The following ASIC2 variants were observed in gnomAD, a reference collection of about 807,000 sequenced individuals.
The protein encoded by ASIC2 is acid-sensing ion channel 2.
In ASIC2, 25 loss-of-function variants were observed where a neutral mutation model predicts 57.3. The observed-to-expected ratio is 0.44, with a 90% CI of 0.32 to 0.61. The LOEUF is 0.61. Ranked by LOEUF, ASIC2 falls within the 20% of genes least tolerant of loss-of-function variation. The pLI is 0.06. For synonymous variants in ASIC2, 319 were observed against 307.5 expected, an observed-to-expected ratio of 1.04 and a Z score of -0.39; for missense variants, 641 against 738.1, an observed-to-expected ratio of 0.87 and a Z score of 1.52.
At chr17:33,496,260 T>C (rs1382670215) in intron 1 of ASIC2, among the ~76,000 whole-genome samples, 1 of 152,186 alleles carries the variant, frequency 6.6e-6, no homozygotes, top group Admixed American at 6.5e-5. Flanking sequence ...AAAAGTCTGC[T>C]GAGTCAATTT....
chr17:33,508,094 C>T (rs1474019261), intron 1 of ASIC2, among the ~76,000 whole-genome samples: 1 of 152,030 alleles, frequency 6.6e-6, no homozygotes, highest in East Asian at 1.9e-4. Context: ...CCTCTCCTCC[C>T]TTTTCCATCT....
In ASIC2 at chr17:33,683,793, A is replaced by T. The variant is rs145520209; in HGVS notation, c.555+472185T>A. 2.2e-3 allele frequency among the ~76,000 whole-genome samples: 334 copies of T among 152,190 alleles called. 7 individuals are homozygous for T. Among genetic ancestry groups the T allele is most frequent in the Non-Finnish European group, 4.6e-4 (31 of 67,996 alleles). ...CCTGGGCTCAAGCAATCCTCCCACA[A>T]TGAGATTACCACTGTGCCCCGTCTC... On this transcript the variant is annotated intron_variant, in intron 1 of 9. Transcript: ENST00000359872.
chr17:33,717,808 A>T (rs1909267972), intron 1 of ASIC2, among the ~76,000 whole-genome samples: 1 of 152,174 alleles, frequency 6.6e-6, no homozygotes, highest in Non-Finnish European at 1.5e-5. Context: ...CCTCGAAGGG[A>T]TGGCGTGAGA....
intron 1 of ASIC2, among the ~76,000 whole-genome samples, chr17:33,742,209 T>A (rs1388163): frequency 0.25 from 37,522 of 152,090 alleles, 5,254 homozygotes; most frequent in East Asian, 0.67. Flanking sequence ...ATAGACTGAT[T>A]GCTGCCCACG....
At chr17:34,110,409 C>CGAG (rs1348884502) in intron 1 of ASIC2, among the ~76,000 whole-genome samples, 4 of 152,186 alleles carry the variant, frequency 2.6e-5, no homozygotes, top group Admixed American at 1.3e-4. Context: ...AGCTCTTCCT[C>CGAG]GCCCTCTCTC....
Position 34,099,181 on chromosome 17 carries a change from A to G in ASIC2, c.555+56797T>C, listed in dbSNP as rs1487294284. 3.9e-4 allele frequency among the ~76,000 whole-genome samples: 11 copies of G among 28,556 alleles called. 1 individual carries two copies. Among genetic ancestry groups the G allele is most frequent in the African/African-American group, 8.2e-4 (10 of 12,228 alleles). 18.7% of individuals were successfully genotyped at this position (28,556 alleles called of 152,430 possible). A position where few individuals can be genotyped will look rare whatever the true frequency, so the allele number is the denominator to read the frequency against. ...GAGAGAGAGAAAGAAAGAAAGAAAGAAAGAAAGAAAGAAAGAAAGAAAGAA... is the reference window on the plus strand; with the variant it reads ...GAGAGAGAGAAAGAAAGAAAGAAAGGAAGAAAGAAAGAAAGAAAGAAAGAA... On this transcript the variant is annotated intron_variant, in intron 1 of 9. Transcript: ENST00000359872.
At chr17:34,142,605 T>A (rs1310585622) in intron 1 of ASIC2, among the ~76,000 whole-genome samples, 1 of 152,176 alleles carries the variant, frequency 6.6e-6, no homozygotes, top group Non-Finnish European at 1.5e-5. Flanking sequence ...ATAAATAGTC[T>A]CTCTCCAGAG....
At chr17:33,730,233 CTCT>C (rs1420075867) in intron 1 of ASIC2, among the ~76,000 whole-genome samples, 1 of 152,090 alleles carries the variant, frequency 6.6e-6, no homozygotes, top group Non-Finnish European at 1.5e-5. Flanking sequence ...GAAACTGAGT[CTCT>C]TCTTTTAATT....
intron 1 of ASIC2, among the ~76,000 whole-genome samples, chr17:33,493,015 G>A (rs1056610530): frequency 1.3e-5 from 2 of 152,216 alleles, no homozygotes. Flanking sequence ...AGTCAGTCAA[G>A]TTTTCCAAAT....
chr17:33,376,871 A>G (rs909044382), intron 1 of ASIC2, among the ~76,000 whole-genome samples: 3 of 152,164 alleles, frequency 2.0e-5, no homozygotes, highest in Non-Finnish European at 4.4e-5. Context: ...GCACTCTTCT[A>G]CATATTCTAT....
chr17:33,595,582 A>G lies in ASIC2; in HGVS notation c.556-483515T>C, dbSNP rs116833263. ...CTTGTCACATCTCCCAGGAAGTTCTATTGTGTCACAGAGATGAGCATAGGC... is the reference window on the plus strand; with the variant it reads ...CTTGTCACATCTCCCAGGAAGTTCTGTTGTGTCACAGAGATGAGCATAGGC... On this transcript the variant is annotated intron_variant, in intron 1 of 9. Transcript: ENST00000359872. Among the ~76,000 whole-genome samples the G allele has an allele frequency of 4.7e-3, 718 of 152,278 alleles. 5 individuals carry two copies. The highest frequency in any genetic ancestry group is 0.016 in the African/African-American group (646 of 41,562).
chr17:34,040,869 A>ATC (rs1447930280), intron 1 of ASIC2, among the ~76,000 whole-genome samples: 2 of 152,244 alleles, frequency 1.3e-5, no homozygotes, highest in Non-Finnish European at 2.9e-5. Flanking sequence ...TTAACTAGTC[A>ATC]TCATGCAATT....
At position 33,291,525 on chromosome 17, in the gene ASIC2, C is replaced by G; in HGVS notation, c.591G>C (p.Pro197=). ...CGGCGCTGATTCCCTCGAAGTGGCG[C>G]GGAGGCAGGAAGAGGCGGAAGTCCG... ...KLADFRLFLP[P]RHFEGISAAF... Residue 197 remains proline (P), a synonymous_variant, in exon 1 of 10, where the codon CCG becomes CCC. Transcript: ENST00000225823. 3.1e-6 allele frequency: 5 copies of G among 1,612,608 alleles called. No individual in the cohort carries two copies. Among genetic ancestry groups the G allele is most frequent in the Non-Finnish European group, 3.4e-6 (4 of 1,179,762 alleles).
intron 1 of ASIC2, among the ~76,000 whole-genome samples, chr17:33,236,935 G>A (rs1342040639): frequency 1.3e-5 from 2 of 152,180 alleles, no homozygotes; most frequent in African/African-American, 4.8e-5. Context: ...ACCAAAATGT[G>A]AGACAATAAA....
intron 1 of ASIC2, among the ~76,000 whole-genome samples, chr17:33,303,788 C>G (rs1906058794): frequency 6.6e-6 from 1 of 152,090 alleles, no homozygotes; most frequent in African/African-American, 2.4e-5. Context: ...TTTCCTTTTC[C>G]CAGCAGTGCT....
intron 1 of ASIC2, among the ~76,000 whole-genome samples, chr17:33,141,937 A>C (rs1904328252): frequency 6.6e-6 from 1 of 152,260 alleles, no homozygotes; most frequent in African/African-American, 2.4e-5. Flanking sequence ...AATGTACAAA[A>C]TAGCAATAAG....
intron 1 of ASIC2, among the ~76,000 whole-genome samples, chr17:33,225,602 C>A (rs1304558314): frequency 1.3e-5 from 2 of 152,100 alleles, no homozygotes; most frequent in Admixed American, 6.6e-5. Context: ...GGTCGCTGAC[C>A]CCATGGAGGT....
At chr17:33,975,226 G>A (rs1326378747) in intron 1 of ASIC2, among the ~76,000 whole-genome samples, 1 of 152,150 alleles carries the variant, frequency 6.6e-6, no homozygotes, top group African/African-American at 2.4e-5. Context: ...TCCCTCCCCA[G>A]GATGGAAGCC....
intron 1 of ASIC2, among the ~76,000 whole-genome samples, chr17:33,773,786 C>G (rs1366323827): frequency 1.3e-5 from 2 of 151,520 alleles, no homozygotes; most frequent in Non-Finnish European, 2.9e-5. Context: ...TCCCAAGTAG[C>G]TGAGACTACA....
Sources: allele counts gnomAD v4.1 joint callset (sites outside exome capture counted in the v4.1 genomes callset), GRCh38; gene constraint gnomAD v4.1.1; transcripts MANE v1.5; gene names NCBI Gene and HGNC (gene_info 2026-07-23, HGNC 2026-07-21).